PPP1R1A: variants seen among roughly 807,000 people sequenced by gnomAD.
The protein encoded by PPP1R1A is protein phosphatase 1 regulatory subunit 1A.
A neutral mutation model predicts 23.9 loss-of-function variants in PPP1R1A; 18 were observed. The ratio of observed to expected loss-of-function variants is 0.75; its 90% CI spans 0.52 to 1.12. The LOEUF is 1.12. Ranked by LOEUF, PPP1R1A falls within the 50% of genes most tolerant of loss-of-function variation. The pLI, the probability that PPP1R1A is intolerant of heterozygous loss-of-function variation, is 0.00. For synonymous variants in PPP1R1A, 84 were observed against 80.7 expected (o/e 1.04, Z -0.22); for missense variants, 207 against 223.8 (o/e 0.92, Z 0.48).
chr12:54,579,983 G>A lies in PPP1R1A; in HGVS notation c.*404C>T. The A allele has an allele frequency of 1.0e-6, 1 of 1,003,410 alleles. No individual in the cohort carries two copies. Among genetic ancestry groups the A allele is most frequent in the Non-Finnish European group, 1.2e-6 (1 of 840,606 alleles). 62.2% of individuals were successfully genotyped at this position (1,003,410 alleles called of 1,614,324 possible). On this transcript the variant is annotated 3_prime_UTR_variant, in exon 7 of 7. Transcript: ENST00000257905. Reference sequence around the variant, plus strand: ...TGCAGGGCAGGCCTGTGAGGTGGTCGGATCGTTCCTCAATAAGAAAAGAGA... The same window carrying A: ...TGCAGGGCAGGCCTGTGAGGTGGTCAGATCGTTCCTCAATAAGAAAAGAGA...
chr12:54,582,592 G>C, intron 4 of PPP1R1A, 140 bp downstream of exon 4: 1 of 1,011,074 alleles, frequency 9.9e-7, no homozygotes, highest in South Asian at 1.4e-5. Flanking sequence ...TGGCAAAACT[G>C]GGATTTCAGC....
intron 1 of PPP1R1A, among the ~76,000 whole-genome samples, 186 bp downstream of exon 1, chr12:54,588,219 C>G (rs1299401512): frequency 6.6e-6 from 1 of 151,756 alleles, no homozygotes; most frequent in Non-Finnish European, 1.5e-5. Flanking sequence ...AGCACAGATT[C>G]GAGATGTGGC....
At chr12:54,580,607 C>G (rs570057742) in intron 6 of PPP1R1A, among the ~76,000 whole-genome samples, 1 of 152,356 alleles carries the variant, frequency 6.6e-6, no homozygotes, top group African/African-American at 2.4e-5. Context: ...ATCCTCCAGG[C>G]AGGGAGAGCC....
In PPP1R1A at chr12:54,584,287, C is replaced by A; in HGVS notation, c.118G>T (p.Val40Leu). 6.2e-7 allele frequency: 1 copy of A among 1,605,002 alleles called. No individual in the cohort carries two copies. The highest frequency in any genetic ancestry group is 8.5e-7 in the Non-Finnish European group (1 of 1,176,206). ...GGGGATGACTGGTCACTGGTCAGCACGAGGGTGGCAGGGGTGGGGCGGCGC... is the reference window on the plus strand; with the variant it reads ...GGGGATGACTGGTCACTGGTCAGCAAGAGGGTGGCAGGGGTGGGGCGGCGC... The part of the protein sequence containing the change: ...RRRRPTPATL[V>L]LTSDQSSPEI... Residue 40 changes from valine (V) to leucine (L), a missense_variant, in exon 2 of 7, where the codon GTG becomes TTG. Coordinates refer to ENST00000257905, the MANE Select transcript of PPP1R1A (RefSeq NM_006741.4).
intron 1 of PPP1R1A, 149 bp downstream of exon 1, chr12:54,588,256 A>AGCC: frequency 5.5e-6 from 1 of 180,666 alleles, no homozygotes; most frequent in Non-Finnish European, 1.1e-5. Flanking sequence ...GGGACAGAAG[A>AGCC]CCCCCCCCCG....
intron 1 of PPP1R1A, among the ~76,000 whole-genome samples, chr12:54,586,195 G>A (rs894082423): frequency 6.6e-6 from 1 of 152,154 alleles, no homozygotes; most frequent in Non-Finnish European, 1.5e-5. Flanking sequence ...ACAGAGGGCA[G>A]CAGGGCTGTC....
chr12:54,583,529 AG>A (rs1180173839), intron 2 of PPP1R1A, among the ~76,000 whole-genome samples: 1 of 152,202 alleles, frequency 6.6e-6, no homozygotes, highest in Non-Finnish European at 1.5e-5. Context: ...CCCCAAAGGC[AG>A]GATCTGTAGT....
rs1957887073 is a variant in PPP1R1A, at chr12:54,584,301, G to A, written c.104C>T (p.Thr35Ile). ...AAEQIRRRRPTPATLVLTSDQ... is the reference protein window; with the variant it reads ...AAEQIRRRRPIPATLVLTSDQ... ...ACTGGTCAGCACGAGGGTGGCAGGG[G>A]TGGGGCGGCGCCTCCGAATCTGAGG... Residue 35 changes from threonine (T) to isoleucine (I), a missense_variant, in exon 2 of 7, where the codon ACC becomes ATC. Thr to Ile is a moderately conservative substitution (Grantham distance 89, BLOSUM62 -1). Transcript: ENST00000257905. 1.2e-6 allele frequency: 2 copies of A among 1,604,282 alleles called. No homozygotes were observed. The highest frequency in any genetic ancestry group is 2.7e-5 in the African/African-American group (2 of 74,946).
At position 54,579,832 on chromosome 12, in the gene PPP1R1A, A is replaced by C; in HGVS notation, c.*555T>G. The C allele has an allele frequency of 1.0e-6, 1 of 985,596 alleles. No individual in the cohort carries two copies. Among genetic ancestry groups the C allele is most frequent in the Non-Finnish European group, 1.2e-6 (1 of 830,094 alleles). 61.1% of individuals were successfully genotyped at this position (985,596 alleles called of 1,614,324 possible). On this transcript the variant is annotated 3_prime_UTR_variant, in exon 7 of 7. Coordinates refer to ENST00000257905, the MANE Select transcript of PPP1R1A (RefSeq NM_006741.4). ...AGGGCAGGCGAGGAGGTATCGGCAC[A>C]CCACCATACCCTCTTTCCCATGGGC...
chr12:54,584,713 C>T (rs1161977529), intron 1 of PPP1R1A, among the ~76,000 whole-genome samples: 1 of 151,908 alleles, frequency 6.6e-6, no homozygotes, highest in South Asian at 2.1e-4. Flanking sequence ...GCACATGTAC[C>T]CCCCTGAATC....
In PPP1R1A at chr12:54,583,233, C is replaced by T. The variant is rs562416969; in HGVS notation, c.161G>A (p.Arg54Gln). ...CACCTTGAGATGTGGGTTGGGGATC[C>T]GGTCTTCATCTATCTCTGAAGGGAA... ...DQSSPEIDED[R>Q]IPNPHLKSTL... Residue 54 changes from arginine (R) to glutamine (Q), a missense_variant, in exon 3 of 7, where the codon CGG (arginine) becomes CAG (glutamine). Arg to Gln is a conservative substitution (Grantham distance 43). Transcript: ENST00000257905. The T allele has an allele frequency of 3.3e-5, 51 of 1,533,244 alleles. No homozygotes were observed. Among genetic ancestry groups the T allele is most frequent in the Admixed American group, 1.5e-4 (7 of 45,664 alleles). The allele number at this position is 1,533,244 out of a possible 1,614,324, so 95.0% of individuals were successfully genotyped here. A position where few individuals can be genotyped will look rare whatever the true frequency, so the allele number is the denominator to read the frequency against.
At position 54,582,081 on chromosome 12, in the gene PPP1R1A, C is replaced by T. The variant is rs750050561; in HGVS notation, c.298G>A (p.Glu100Lys). The T allele has an allele frequency of 2.0e-5, 33 of 1,613,730 alleles. No homozygotes were observed. The South Asian group carries it at 3.1e-4, about 15-fold the overall frequency. ...HHLGQQQQGE[E>K]PEGAAESTGT... ...GTGCTCTCAGCGGCCCCCTCAGGTT[C>T]CTCTCCTTGCTGCTGTTGCCCCAGG... is the stretch of plus-strand genomic sequence containing the variant. The change falls in exon 5 of 7, where the codon GAA becomes AAA. Residue 100 changes from glutamate to lysine, a missense_variant. Coordinates refer to ENST00000257905, the MANE Select transcript of PPP1R1A (RefSeq NM_006741.4).
At chr12:54,582,955 A>C (rs969036145) in intron 3 of PPP1R1A, among the ~76,000 whole-genome samples, 160 bp from the exon 4 acceptor site, 9 of 152,028 alleles carry the variant, frequency 5.9e-5, no homozygotes, top group Admixed American at 5.2e-4. Flanking sequence ...AGCTTCAAAA[A>C]GTGGGGTAAG....
At chr12:54,587,891 G>A (rs970986195) in intron 1 of PPP1R1A, among the ~76,000 whole-genome samples, 2 of 152,092 alleles carry the variant, frequency 1.3e-5, no homozygotes, top group Non-Finnish European at 2.9e-5. Context: ...CACTTTCGGA[G>A]CCCAGCAAGG....
At position 54,579,371 on chromosome 12, in the gene PPP1R1A, T is replaced by C; in HGVS notation, c.*1016A>G. 2.0e-6 allele frequency: 2 copies of C among 985,030 alleles called. No individual in the cohort carries two copies. Among genetic ancestry groups the C allele is most frequent in the Non-Finnish European group, 2.4e-6 (2 of 829,746 alleles). The allele number at this position is 985,030 out of a possible 1,614,324, so 61.0% of individuals were successfully genotyped here. ...ATATATATATATTTAGGTATGTATC[T>C]GGGCAAGCTGAGGCCCAGGAGGAGG... On this transcript the variant is annotated 3_prime_UTR_variant, in exon 7 of 7. Transcript: ENST00000257905.
rs746550411 is a variant in PPP1R1A, at chr12:54,583,222, G to A, written c.172C>T (p.Pro58Ser). The change falls in exon 3 of 7, where the codon CCA (proline) becomes TCA (serine). Residue 58 changes from proline to serine, a missense_variant. Pro to Ser is a moderately conservative substitution (Grantham distance 74). Coordinates refer to ENST00000257905, the MANE Select transcript of PPP1R1A (RefSeq NM_006741.4). ...ATGGGCCAGCTCACCTTGAGATGTG[G>A]GTTGGGGATCCGGTCTTCATCTATC... ...PEIDEDRIPN[P>S]HLKSTLAMSP... 1 of 1,543,498 alleles carries A rather than the reference G, an allele frequency of 6.5e-7. No homozygotes were observed. The highest frequency in any genetic ancestry group is 1.3e-5 in the South Asian group (1 of 78,876).
In PPP1R1A at chr12:54,587,834, C is replaced by T. The variant is rs537551459; in HGVS notation, c.84+571G>A. 7.6e-4 allele frequency among the ~76,000 whole-genome samples: 115 copies of T among 152,212 alleles called. 1 individual carries two copies. The highest frequency in any genetic ancestry group is 1.4e-3 in the Admixed American group (22 of 15,292). On this transcript the variant is annotated intron_variant, in intron 1 of 6. Coordinates refer to ENST00000257905, the MANE Select transcript of PPP1R1A (RefSeq NM_006741.4). The stretch of plus-strand genomic sequence containing the variant: ...CAACTCGACCACCCCTCTCCCCTCT[C>T]CCTGGAGCCCCAGCCCTCTCAGTGG...
At chr12:54,583,292 C>G in intron 2 of PPP1R1A, 44 bp from the exon 3 acceptor site, 1 of 1,447,018 alleles carries the variant, frequency 6.9e-7, no homozygotes, top group Non-Finnish European at 9.1e-7. Flanking sequence ...GACAGGAAAC[C>G]AGGGATCCCC....
At chr12:54,588,297 A>G (rs1957931992) in intron 1 of PPP1R1A, 108 bp downstream of exon 1, 2 of 515,834 alleles carry the variant, frequency 3.9e-6, no homozygotes, top group Non-Finnish European at 5.6e-6. Flanking sequence ...CGTCCTCAAA[A>G]GGGCGCACTG....
Sources: allele counts gnomAD v4.1 joint callset (sites outside exome capture counted in the v4.1 genomes callset), GRCh38; gene constraint gnomAD v4.1.1; transcripts MANE v1.5; gene names NCBI Gene and HGNC (gene_info 2026-07-23, HGNC 2026-07-21).